Variants in TNS1 observed in about 807,000 individuals in gnomAD.
The protein encoded by TNS1 is tensin 1, also known as tensin-1.
A neutral mutation model predicts 168.6 loss-of-function variants in TNS1; 62 were observed. The observed-to-expected ratio is 0.37, with a 90% CI of 0.30 to 0.45. The LOEUF (loss-of-function observed/expected upper bound fraction) is 0.45, where lower values mean the gene tolerates loss of function less well. TNS1 is among the 20% of genes least tolerant of loss of function. The pLI, the probability that TNS1 is intolerant of heterozygous loss-of-function variation, is 1.00. For synonymous variants in TNS1, 934 were observed against 933.2 expected (o/e 1.00, Z -0.02); for missense variants, 2,240 against 2,339.4 (o/e 0.96, Z 0.88).
At chr2:217,816,651 C>T (rs905757840) in intron 24 of TNS1, among the ~76,000 whole-genome samples, 1 of 152,138 alleles carries the variant, frequency 6.6e-6, no homozygotes, top group Non-Finnish European at 1.5e-5. Context: ...TGTGTTGACT[C>T]CAAAGGCTAT....
intron 24 of TNS1, among the ~76,000 whole-genome samples, chr2:217,816,317 T>A (rs1941879278): frequency 6.6e-6 from 1 of 152,190 alleles, no homozygotes; most frequent in South Asian, 2.1e-4. Context: ...TCCTCTCCTG[T>A]CTTCAGAGAC....
At chr2:217,850,601 A>G in intron 18 of TNS1, 2 of 970,816 alleles carry the variant, frequency 2.1e-6, no homozygotes, top group African/African-American at 3.6e-5. Context: ...ACACACACAC[A>G]CACACACACA....
Position 217,812,289 on chromosome 2 carries a change from G to A in TNS1, c.5032+79C>T, listed in dbSNP as rs947556565. The A allele has an allele frequency of 1.8e-5, 23 of 1,243,924 alleles. 1 individual carries two copies. Among genetic ancestry groups the A allele is most frequent in the East Asian group, 1.2e-4 (5 of 41,456 alleles). 77.1% of individuals were successfully genotyped at this position (1,243,924 alleles called of 1,614,324 possible). ...TGTCCTCCAGCCCTGGCCCATGTCCGGAGTGGCTGGCAGGATCAAGACATG... is the reference window on the plus strand; with the variant it reads ...TGTCCTCCAGCCCTGGCCCATGTCCAGAGTGGCTGGCAGGATCAAGACATG... On this transcript the variant is annotated intron_variant, in intron 28 of 32. Transcript: ENST00000682258.
chr2:218,016,714 C>G (rs1244817331), intron 1 of TNS1, among the ~76,000 whole-genome samples: 3 of 152,196 alleles, frequency 2.0e-5, no homozygotes, highest in Non-Finnish European at 4.4e-5. Context: ...TGGACCCCCC[C>G]AGAAAGACAA....
At chr2:217,924,819 A>G (rs528218909) in intron 3 of TNS1, among the ~76,000 whole-genome samples, 1 of 152,310 alleles carries the variant, frequency 6.6e-6, no homozygotes, top group African/African-American at 2.4e-5. Flanking sequence ...TGCATTTGTG[A>G]AAGACAAAAT....
Position 217,986,730 on chromosome 2 carries a change from T to TAC in TNS1, c.148+4210_148+4211dup, listed in dbSNP as rs60286055. The TAC allele has an allele frequency of 0.031, 4,649 of 147,754 alleles. 88 individuals carry two copies. Among genetic ancestry groups the TAC allele is most frequent in the East Asian group, 0.076 (383 of 5,010 alleles). The allele number at this position is 147,754 out of a possible 1,614,324, so 9.2% of individuals were successfully genotyped here. On this transcript the variant is annotated intron_variant, in intron 2 of 32. Coordinates refer to ENST00000682258, the MANE Select transcript of TNS1 (RefSeq NM_001387777.1). The surrounding 1 kb of genome is among the most constrained non-coding windows in gnomAD (Gnocchi z 4.7). ...ACTGAGTCAGAAACGGCCCTCCACATACACACACACACACACACACACACA... is the reference window on the plus strand; with the variant it reads ...ACTGAGTCAGAAACGGCCCTCCACATACACACACACACACACACACACACACA...
chr2:217,819,383 T>G (rs1337992866), intron 23 of TNS1, among the ~76,000 whole-genome samples: 1 of 152,200 alleles, frequency 6.6e-6, no homozygotes, highest in Non-Finnish European at 1.5e-5. Context: ...TGGAGAAAGC[T>G]GTCTTGCATG....
intron 1 of TNS1, among the ~76,000 whole-genome samples, chr2:217,994,398 G>A (rs1406261350): frequency 6.6e-6 from 1 of 152,086 alleles, no homozygotes; most frequent in African/African-American, 2.4e-5. Flanking sequence ...AGGGCTGTCT[G>A]GGGGAGGCAG....
At chr2:218,028,249 C>G (rs764385971) in intron 1 of TNS1, among the ~76,000 whole-genome samples, 3 of 152,186 alleles carry the variant, frequency 2.0e-5, no homozygotes, top group Non-Finnish European at 4.4e-5. Flanking sequence ...CTCCACCCCC[C>G]ATTCCCACAC....
intron 21 of TNS1, among the ~76,000 whole-genome samples, chr2:217,834,229 G>A (rs1334379901): frequency 6.6e-6 from 1 of 152,180 alleles, no homozygotes; most frequent in Non-Finnish European, 1.5e-5. Flanking sequence ...TCCAGTACAG[G>A]ACAGCCAGCC....
chr2:218,014,060 C>T (rs1958734741), upstream of TNS1, among the ~76,000 whole-genome samples: 1 of 152,228 alleles, frequency 6.6e-6, no homozygotes, highest in Non-Finnish European at 1.5e-5. Context: ...GGAGGGCCCA[C>T]CTGGCTCAGG....
At chr2:217,931,447 C>T (rs918342642) in intron 3 of TNS1, among the ~76,000 whole-genome samples, 6 of 152,234 alleles carry the variant, frequency 3.9e-5, no homozygotes, top group Non-Finnish European at 8.8e-5. Context: ...ATGCCAACCA[C>T]CACGGGGACA....
chr2:217,890,418 A>G (rs1430784335), intron 12 of TNS1: 1 of 153,162 alleles, frequency 6.5e-6, no homozygotes, highest in Non-Finnish European at 1.5e-5. Flanking sequence ...GCCATAGTAG[A>G]TGATTTAAAT....
chr2:217,955,567 G>C (rs1218150716), intron 3 of TNS1, among the ~76,000 whole-genome samples: 1 of 152,212 alleles, frequency 6.6e-6, no homozygotes, highest in African/African-American at 2.4e-5. Context: ...ACACCCCACT[G>C]TACTGCCTCA....
intron 12 of TNS1, among the ~76,000 whole-genome samples, chr2:217,889,010 T>C (rs16858441): frequency 6.6e-6 from 1 of 152,144 alleles, no homozygotes; most frequent in South Asian, 2.1e-4. Flanking sequence ...TCTCTTAGTA[T>C]CCTTATCCTT....
rs1173170303 is a variant in TNS1 at position 217,800,314 on chromosome 2, A to T, written c.*4145T>A. The T allele has an allele frequency of 1.3e-5, 2 of 152,250 alleles. No homozygotes were observed. The highest frequency in any genetic ancestry group is 4.8e-5 in the African/African-American group (2 of 41,456). The allele number at this position is 152,250 out of a possible 1,614,324, so 9.4% of individuals were successfully genotyped here. On this transcript the variant is annotated 3_prime_UTR_variant, in exon 33 of 33. Transcript: ENST00000682258. ...GGTCCTCCAACATTTTGGACATTTG[A>T]GGACAGAGGTGCCAAGAGGGACAGA...
At chr2:218,016,684 T>A (rs1958764152) in intron 1 of TNS1, among the ~76,000 whole-genome samples, 1 of 152,004 alleles carries the variant, frequency 6.6e-6, no homozygotes, top group Non-Finnish European at 1.5e-5. Flanking sequence ...AAGACTCAGA[T>A]GAGGACAGGA....
At chr2:217,984,849 G>A (rs145023656) in intron 2 of TNS1, among the ~76,000 whole-genome samples, 64 of 150,806 alleles carry the variant, frequency 4.2e-4, no homozygotes, top group African/African-American at 1.4e-3. Flanking sequence ...TCCACCTCCC[G>A]GGTTCAAGAA....
intron 19 of TNS1, among the ~76,000 whole-genome samples, chr2:217,837,282 C>G (rs1384742417): frequency 6.6e-6 from 1 of 152,200 alleles, no homozygotes; most frequent in Non-Finnish European, 1.5e-5. Flanking sequence ...AAATCACCCT[C>G]ATTCAGACAG....
Sources: allele counts gnomAD v4.1 joint callset (sites outside exome capture counted in the v4.1 genomes callset), GRCh38; gene constraint gnomAD v4.1.1; non-coding constraint Gnocchi (gnomAD v3.1); transcripts MANE v1.5; gene names NCBI Gene and HGNC (gene_info 2026-07-23, HGNC 2026-07-21).